Variants in GPHN observed in about 807,000 individuals in gnomAD.
GPHN encodes the protein gephyrin.
Under a neutral mutation model 95.5 loss-of-function variants are expected in GPHN, and 17 were observed. That is an observed-to-expected ratio of 0.18 (90% CI 0.12 to 0.27). The LOEUF (loss-of-function observed/expected upper bound fraction) is 0.27, where lower values mean the gene tolerates loss of function less well. GPHN is among the 10% of genes least tolerant of loss of function. The pLI is 1.00. For missense variants in GPHN, 660 were observed against 978.1 expected (o/e 0.67, Z 4.34); for synonymous variants, 320 against 322.5 (o/e 0.99, Z 0.08).
intron 11 of GPHN, among the ~76,000 whole-genome samples, chr14:67,064,257 C>G (rs1419297801): frequency 6.6e-6 from 1 of 152,142 alleles, no homozygotes; most frequent in Non-Finnish European, 1.5e-5. Context: ...ATTTTTTGAA[C>G]CAGCCTTTCA....
At chr14:67,690,974 C>A in the GPHN span, 1 of 636,150 alleles carries the variant, frequency 1.6e-6, no homozygotes, top group South Asian at 2.0e-5. Context: ...CCTGGAGCAG[C>A]CCTCAGGTAT....
the GPHN span, among the ~76,000 whole-genome samples, chr14:67,444,947 A>G: frequency 6.6e-6 from 1 of 152,062 alleles, no homozygotes; most frequent in Admixed American, 6.6e-5. Context: ...TTTAGTAGAG[A>G]TGGGGATTCC....
chr14:67,690,114 C>T, the GPHN span: 2 of 1,021,134 alleles, frequency 2.0e-6, no homozygotes, highest in Non-Finnish European at 3.0e-6. Context: ...GAAGCAGGTC[C>T]TCTCCAGGTG....
At chr14:66,642,887 T>G (rs1253141402) in intron 1 of GPHN, among the ~76,000 whole-genome samples, 2 of 152,058 alleles carry the variant, frequency 1.3e-5, no homozygotes, top group Non-Finnish European at 2.9e-5. Flanking sequence ...AAATAAAGCT[T>G]TTAGATGGAA....
the GPHN span, among the ~76,000 whole-genome samples, chr14:67,363,245 A>T: frequency 1.4e-4 from 22 of 151,850 alleles, no homozygotes; most frequent in South Asian, 6.3e-4. Flanking sequence ...AACGAAACAA[A>T]CAGTCAGCTG....
intron 1 of GPHN, among the ~76,000 whole-genome samples, chr14:66,515,361 G>A (rs1039073799): frequency 1.3e-5 from 2 of 152,078 alleles, no homozygotes; most frequent in Non-Finnish European, 1.5e-5. Context: ...ATTACTAAAA[G>A]GATAGTTTAG....
At position 67,135,860 on chromosome 14, in the gene GPHN, A is replaced by G. The variant is rs117129452; in HGVS notation, c.1749-7502A>G. ...CAGTCTCTTGCTCTGTCTTCTTATT[A>G]TTTTCTGCATGACTTCTATCTTTTG... On this transcript the variant is annotated intron_variant, in intron 17 of 22. Transcript: ENST00000478722. Among the ~76,000 whole-genome samples, 742 of 151,656 alleles carry G rather than the reference A, an allele frequency of 4.9e-3. 4 individuals carry two copies. Among genetic ancestry groups the G allele is most frequent in the Non-Finnish European group, 7.8e-3 (529 of 67,890 alleles).
At chr14:66,714,425 G>A (rs1007391654) in intron 2 of GPHN, among the ~76,000 whole-genome samples, 3 of 152,100 alleles carry the variant, frequency 2.0e-5, no homozygotes, top group African/African-American at 2.4e-5. Flanking sequence ...TGAGGTAAAC[G>A]ATCATATCAT....
At chr14:66,578,844 A>G (rs1032346051) in intron 1 of GPHN, among the ~76,000 whole-genome samples, 31 of 151,832 alleles carry the variant, frequency 2.0e-4, no homozygotes, top group African/African-American at 7.2e-4. Context: ...AAGCTGAAAG[A>G]AAAGGATGGT....
At chr14:67,241,102 A>C in the GPHN span, 1 of 152,280 alleles carries the variant, frequency 6.6e-6, no homozygotes, top group Non-Finnish European at 1.5e-5. Context: ...AGCCCGGAGC[A>C]GTCCGCGTTT....
At chr14:67,189,212 C>G in the GPHN span, among the ~76,000 whole-genome samples, 1 of 152,180 alleles carries the variant, frequency 6.6e-6, no homozygotes, top group African/African-American at 2.4e-5. Context: ...AAGAAATCCT[C>G]TGAAAACTTC....
At chr14:67,193,361 T>C in the GPHN span, among the ~76,000 whole-genome samples, 2 of 133,742 alleles carry the variant, frequency 1.5e-5, no homozygotes, top group African/African-American at 2.6e-5. Flanking sequence ...TAGAGATATA[T>C]AATCTATCTA....
the GPHN span, among the ~76,000 whole-genome samples, chr14:67,305,044 G>T: frequency 6.6e-6 from 1 of 151,990 alleles, no homozygotes; most frequent in Admixed American, 6.6e-5. Flanking sequence ...CAGTTTTTTT[G>T]CAGGAAGAGA....
At chr14:67,645,472 G>A in the GPHN span, among the ~76,000 whole-genome samples, 1 of 152,158 alleles carries the variant, frequency 6.6e-6, no homozygotes, top group Non-Finnish European at 1.5e-5. Context: ...TATCACTCAA[G>A]ATTAATTTTT....
At chr14:66,514,319 T>C (rs2058155757) in intron 1 of GPHN, among the ~76,000 whole-genome samples, 3 of 148,014 alleles carry the variant, frequency 2.0e-5, no homozygotes, top group Admixed American at 6.7e-5. Flanking sequence ...TTCTGCGTTA[T>C]TGACACTTCA....
the GPHN span, among the ~76,000 whole-genome samples, chr14:67,669,479 C>T: frequency 6.6e-6 from 1 of 151,268 alleles, no homozygotes; most frequent in African/African-American, 2.4e-5. Flanking sequence ...GTTGCCAAGG[C>T]TGGTCTCCAA....
chr14:67,509,088 C>T, the GPHN span, among the ~76,000 whole-genome samples: 652 of 152,140 alleles, frequency 4.3e-3, 5 homozygotes, highest in African/African-American at 0.015. Context: ...CCAAACAGAC[C>T]GTTAAGCAAG....
At chr14:67,362,166 C>T in the GPHN span, among the ~76,000 whole-genome samples, 10 of 151,712 alleles carry the variant, frequency 6.6e-5, no homozygotes, top group African/African-American at 2.4e-4. Flanking sequence ...ATTACAGGTG[C>T]CTGCCACCAC....
chr14:67,459,429 T>C, the GPHN span, among the ~76,000 whole-genome samples: 1 of 152,238 alleles, frequency 6.6e-6, no homozygotes, highest in Non-Finnish European at 1.5e-5. Context: ...CTGAGCTTGT[T>C]TTCTCTATTC....
Sources: allele counts gnomAD v4.1 joint callset (sites outside exome capture counted in the v4.1 genomes callset), GRCh38; gene constraint gnomAD v4.1.1; transcripts MANE v1.5; gene names NCBI Gene and HGNC (gene_info 2026-07-23, HGNC 2026-07-21).